The following GNG2 variants were observed in gnomAD, a reference collection of about 807,000 sequenced individuals.
The protein encoded by GNG2 is G protein subunit gamma 2.
A neutral mutation model predicts 5.5 loss-of-function variants in GNG2; 5 were observed. The ratio of observed to expected loss-of-function variants is 0.91; its 90% confidence interval spans 0.48 to 1.92. The LOEUF (loss-of-function observed/expected upper bound fraction) is 1.92, where lower values mean the gene tolerates loss of function less well. Ranked by LOEUF, GNG2 falls within the 30% of genes most tolerant of loss-of-function variation. GNG2 has a pLI of 0.01. For missense variants in GNG2, 55 were observed against 88.4 expected (o/e 0.62, Z 1.52); for synonymous variants, 28 against 32.0 (o/e 0.88, Z 0.42).
intron 2 of GNG2, 80 bp downstream of exon 2, chr14:51,877,737 A>G (rs747932553): frequency 1.1e-4 from 45 of 415,710 alleles, no homozygotes; most frequent in East Asian, 6.5e-4. Context: ...TAAGTGGTCT[A>G]TAGATGAAAG....
intron 2 of GNG2, 66 bp downstream of exon 2, chr14:51,877,723 A>C (rs964731540): frequency 4.5e-6 from 2 of 441,568 alleles, no homozygotes; most frequent in African/African-American, 4.1e-5. Flanking sequence ...AGGAAAAAAA[A>C]TGTTAAGTGG....
intron 1 of GNG2, among the ~76,000 whole-genome samples, chr14:51,864,559 A>G (rs1882743347): frequency 6.6e-6 from 1 of 152,230 alleles, no homozygotes; most frequent in Admixed American, 6.5e-5. Context: ...AGGACAGAGT[A>G]AGAAAATGTG....
In GNG2 at chr14:51,964,154, A is replaced by G. The variant is rs1889769425; in HGVS notation, c.88-2405A>G. Reference sequence around the variant, plus strand: ...AGGAGAGAATTCCATGTGAAAATAGAGACAGAGATTGGAGTGATATGTCTA... The same window carrying G: ...AGGAGAGAATTCCATGTGAAAATAGGGACAGAGATTGGAGTGATATGTCTA... On this transcript the variant is annotated intron_variant, in intron 3 of 3. Transcript: ENST00000556766. Among the ~76,000 whole-genome samples the G allele has an allele frequency of 2.0e-5, 3 of 152,190 alleles. No individual in the cohort carries two copies. In the South Asian group the frequency reaches 6.2e-4, roughly 32 times the overall value.
intron 2 of GNG2, among the ~76,000 whole-genome samples, chr14:51,897,118 G>A (rs139357367): frequency 6.8e-4 from 103 of 152,286 alleles, no homozygotes; most frequent in African/African-American, 2.3e-3. Context: ...AGTGAATGTT[G>A]ACTTACCATG....
intron 2 of GNG2, among the ~76,000 whole-genome samples, chr14:51,932,955 A>G (rs900894666): frequency 1.8e-4 from 28 of 152,184 alleles, no homozygotes; most frequent in African/African-American, 6.8e-4. Context: ...ACAGAGGGAG[A>G]TGACAAAAGG....
intron 2 of GNG2, among the ~76,000 whole-genome samples, chr14:51,844,296 A>G (rs1339171914): frequency 6.6e-6 from 1 of 152,186 alleles, no homozygotes; most frequent in Non-Finnish European, 1.5e-5. Flanking sequence ...TATTAAAACA[A>G]TCTGGTCTGG....
intron 3 of GNG2, among the ~76,000 whole-genome samples, chr14:51,955,505 T>C (rs1428209812): frequency 6.6e-6 from 1 of 152,242 alleles, no homozygotes; most frequent in African/African-American, 2.4e-5. Context: ...TCTTTCATGG[T>C]ACTGGGGTAC....
At chr14:51,930,210 C>A (rs1362953875) in intron 2 of GNG2, among the ~76,000 whole-genome samples, 1 of 152,188 alleles carries the variant, frequency 6.6e-6, no homozygotes, top group Non-Finnish European at 1.5e-5. Flanking sequence ...ATGCTAATTT[C>A]TCTTAGTAGC....
At chr14:51,954,329 G>A (rs987814061) in intron 3 of GNG2, among the ~76,000 whole-genome samples, 3 of 152,146 alleles carry the variant, frequency 2.0e-5, no homozygotes, top group African/African-American at 7.2e-5. Context: ...AGAGAGTTAG[G>A]GGAAGGGGGA....
intron 2 of GNG2, among the ~76,000 whole-genome samples, chr14:51,834,580 C>T (rs10135725): frequency 0.23 from 35,449 of 152,104 alleles, 4,776 homozygotes; most frequent in African/African-American, 0.36. Flanking sequence ...TCCTGTGTTG[C>T]GTGGATACCA....
At chr14:51,907,295 A>G (rs1381449088) in intron 2 of GNG2, among the ~76,000 whole-genome samples, 1 of 152,248 alleles carries the variant, frequency 6.6e-6, no homozygotes, top group Non-Finnish European at 1.5e-5. Context: ...TTTTAGTTAT[A>G]TAAAAATACA....
At chr14:51,841,265 C>T (rs1881473624) in intron 2 of GNG2, among the ~76,000 whole-genome samples, 4 of 152,168 alleles carry the variant, frequency 2.6e-5, no homozygotes, top group Admixed American at 2.6e-4. Flanking sequence ...GAATCAGCTG[C>T]AACAGGCCCC....
intron 2 of GNG2, among the ~76,000 whole-genome samples, chr14:51,918,070 C>T (rs899893286): frequency 3.3e-5 from 5 of 150,800 alleles, no homozygotes; most frequent in African/African-American, 1.2e-4. Flanking sequence ...AAAGAAGCCT[C>T]ACTACATCCC....
At chr14:51,961,108 A>G (rs1034754004) in intron 3 of GNG2, among the ~76,000 whole-genome samples, 2 of 152,074 alleles carry the variant, frequency 1.3e-5, no homozygotes, top group Admixed American at 6.6e-5. Flanking sequence ...AATTTATCTT[A>G]TCTCCCTTCT....
At chr14:51,834,889 A>G (rs1173207714) in intron 2 of GNG2, among the ~76,000 whole-genome samples, 1 of 152,208 alleles carries the variant, frequency 6.6e-6, no homozygotes, top group Non-Finnish European at 1.5e-5. Flanking sequence ...ATACTTTATT[A>G]TATACCTGGT....
At chr14:51,840,682 G>C (rs936928105) in intron 2 of GNG2, among the ~76,000 whole-genome samples, 2 of 152,234 alleles carry the variant, frequency 1.3e-5, no homozygotes, top group African/African-American at 4.8e-5. Flanking sequence ...GATAAAGAGA[G>C]AAAGAATGTA....
intron 2 of GNG2, among the ~76,000 whole-genome samples, chr14:51,854,631 T>C (rs141678630): frequency 0.041 from 537 of 12,964 alleles, 5 homozygotes; most frequent in African/African-American, 0.12. Context: ...CTGCCTCAGC[T>C]CCCCCCGAGT....
At chr14:51,830,816 G>A (rs971191201) in intron 2 of GNG2, among the ~76,000 whole-genome samples, 3 of 152,122 alleles carry the variant, frequency 2.0e-5, no homozygotes, top group Non-Finnish European at 4.4e-5. Flanking sequence ...CAGCAAAAGT[G>A]CACCTTTTCT....
chr14:51,887,716 G>A (rs1003382913), intron 2 of GNG2, among the ~76,000 whole-genome samples: 3 of 152,124 alleles, frequency 2.0e-5, no homozygotes, highest in Non-Finnish European at 4.4e-5. Flanking sequence ...TACTGACTGT[G>A]ACCACCTTGG....
Sources: allele counts gnomAD v4.1 joint callset (sites outside exome capture counted in the v4.1 genomes callset), GRCh38; gene constraint gnomAD v4.1.1; transcripts MANE v1.5; gene names NCBI Gene and HGNC (gene_info 2026-07-23, HGNC 2026-07-21).